The following EFCAB8 variants were observed in gnomAD, a reference collection of about 807,000 sequenced individuals.
EFCAB8 encodes the protein EF-hand calcium-binding domain-containing protein 8.
In EFCAB8, 100 loss-of-function variants were observed where a neutral mutation model predicts 116.3. The observed-to-expected ratio is 0.86, with a 90% CI of 0.73 to 1.02. EFCAB8 has a LOEUF of 1.02. EFCAB8 is among the 50% of genes least tolerant of loss of function. The pLI is 0.00. For synonymous variants in EFCAB8, 558 were observed against 567.9 expected (o/e 0.98, Z 0.25); for missense variants, 1,320 against 1,416.9 (o/e 0.93, Z 1.10).
chr20:32,911,741 G>A (rs1179539000), intron 16 of EFCAB8, 34 bp downstream of exon 16: 14 of 1,545,180 alleles, frequency 9.1e-6, no homozygotes, highest in Non-Finnish European at 1.2e-5. Flanking sequence ...GCCAGGGACG[G>A]CCTCTTGGGA....
chr20:32,936,018 AT>A, intron 22 of EFCAB8, among the ~76,000 whole-genome samples: 1 of 150,338 alleles, frequency 6.7e-6, no homozygotes, highest in Middle Eastern at 3.4e-3. Context: ...GCTTTTATTT[AT>A]TTTTATTTTT....
rs535415155 is a variant in EFCAB8 at position 32,888,686 on chromosome 20, T to C, written c.568-615T>C. On this transcript the variant is annotated intron_variant, in intron 6 of 26. Transcript: ENST00000400522. ...TAAATGCGATAATGGAAGCATATTA[T>C]AATGTTGCTTTTTACCTTGGTTTGT... Among the ~76,000 whole-genome samples the C allele has an allele frequency of 2.0e-5, 3 of 152,350 alleles. No individual in the cohort carries two copies. The East Asian group carries it at 5.8e-4, about 29-fold the overall frequency.
chr20:32,940,023 C>T lies in EFCAB8; in HGVS notation c.2791-3613C>T, dbSNP rs189676799. 7.5e-4 allele frequency among the ~76,000 whole-genome samples: 42 copies of T among 56,116 alleles called. 1 individual carries two copies. Among genetic ancestry groups the T allele is most frequent in the South Asian group, 3.1e-3 (4 of 1,298 alleles). The allele number at this position is 56,116 out of a possible 152,430, so 36.8% of individuals were successfully genotyped here. On this transcript the variant is annotated intron_variant, in intron 22 of 26. Coordinates refer to ENST00000400522, the MANE Select transcript of EFCAB8 (RefSeq NM_001143967.2). ...TGCCTGCCTCCCTCCCTCCCTCCCTCCCTTCCTTCCTTCCTTCCTTCCTTC... is the reference window on the plus strand; with the variant it reads ...TGCCTGCCTCCCTCCCTCCCTCCCTTCCTTCCTTCCTTCCTTCCTTCCTTC...
chr20:32,895,883 T>TA (rs890921857), intron 9 of EFCAB8, among the ~76,000 whole-genome samples: 6 of 152,302 alleles, frequency 3.9e-5, no homozygotes, highest in Admixed American at 2.6e-4. Context: ...GGCTGGTCTC[T>TA]TAACTCCTGG....
chr20:32,931,144 GGT>G (rs1285920373), intron 21 of EFCAB8, 32 bp from the exon 22 acceptor site: 1 of 1,495,786 alleles, frequency 6.7e-7, no homozygotes, highest in Admixed American at 2.2e-5. Context: ...TGGGTCAAGG[GGT>G]GTGAGGCCAC....
chr20:32,924,339 C>T (rs1987589208), intron 20 of EFCAB8, among the ~76,000 whole-genome samples: 2 of 152,222 alleles, frequency 1.3e-5, no homozygotes, highest in Non-Finnish European at 2.9e-5. Context: ...GCTGGGATTA[C>T]AGGCATAAGC....
intron 7 of EFCAB8, among the ~76,000 whole-genome samples, chr20:32,891,432 A>G (rs1176898673): frequency 1.3e-5 from 2 of 152,106 alleles, no homozygotes; most frequent in African/African-American, 2.4e-5. Flanking sequence ...TGGCCAGGCT[A>G]GTCTCCATCT....
intron 26 of EFCAB8, 48 bp from the exon 27 acceptor site, chr20:32,961,088 C>T (rs375965804): frequency 2.6e-5 from 39 of 1,495,320 alleles, no homozygotes; most frequent in Middle Eastern, 3.6e-4. Flanking sequence ...TGGGTGTCCC[C>T]GGCTCCAACT....
At chr20:32,939,368 C>T (rs1181817726) in intron 22 of EFCAB8, among the ~76,000 whole-genome samples, 2 of 145,320 alleles carry the variant, frequency 1.4e-5, no homozygotes, top group East Asian at 2.0e-4. Flanking sequence ...CTGCAACCTC[C>T]GCCTCCCAGG....
intron 11 of EFCAB8, among the ~76,000 whole-genome samples, chr20:32,906,274 C>G (rs959955897): frequency 6.6e-6 from 1 of 152,178 alleles, no homozygotes; most frequent in African/African-American, 2.4e-5. Flanking sequence ...GTCGCTCCTG[C>G]CTGGGAGCTG....
At chr20:32,908,233 C>G (rs866676117) in intron 13 of EFCAB8, 42 bp from the exon 14 acceptor site, 3 of 1,248,514 alleles carry the variant, frequency 2.4e-6, no homozygotes, top group Middle Eastern at 2.1e-4. Flanking sequence ...GCTACATCCC[C>G]GAGACCCATG....
At chr20:32,866,653 C>T (rs901746502) in intron 2 of EFCAB8, among the ~76,000 whole-genome samples, 8 of 151,900 alleles carry the variant, frequency 5.3e-5, no homozygotes, top group Non-Finnish European at 1.2e-4. Flanking sequence ...CTCATCTGAC[C>T]GAGATGGGAC....
At chr20:32,941,722 G>C (rs1936307) in intron 22 of EFCAB8, among the ~76,000 whole-genome samples, 1 of 151,972 alleles carries the variant, frequency 6.6e-6, no homozygotes, top group Non-Finnish European at 1.5e-5. Flanking sequence ...GGGAAATTGC[G>C]TAGTGACTAC....
At position 32,885,613 on chromosome 20, in the gene EFCAB8, G is replaced by A. The variant is rs56031406; in HGVS notation, c.540G>A (p.Glu180=). 1 of 1,551,852 alleles carries A rather than the reference G, an allele frequency of 6.4e-7. No homozygotes were observed. Among genetic ancestry groups the A allele is most frequent in the East Asian group, 2.4e-5 (1 of 40,916 alleles). The stretch of plus-strand genomic sequence containing the variant: ...ACGGGATCCTGCAGTTCTGGTCTGA[G>A]TCCTTCTCGCTGATGAGCTCCTTTA... ...TKDGILQFWS[E]SFSLMSSFRL... Residue 180 remains glutamate, a synonymous_variant, in exon 6 of 27, where the codon GAG becomes GAA. Coordinates refer to ENST00000400522, the MANE Select transcript of EFCAB8 (RefSeq NM_001143967.2).
At chr20:32,958,177 T>C (rs1023477448) in intron 23 of EFCAB8, among the ~76,000 whole-genome samples, 1 of 152,072 alleles carries the variant, frequency 6.6e-6, no homozygotes, top group Non-Finnish European at 1.5e-5. Context: ...TCAGTTCACA[T>C]GTGGGGCAGG....
At chr20:32,875,493 A>G (rs1160518044) in intron 3 of EFCAB8, among the ~76,000 whole-genome samples, 1 of 94,652 alleles carries the variant, frequency 1.1e-5, no homozygotes, top group Non-Finnish European at 2.8e-5. Flanking sequence ...ACACCTGGTA[A>G]ACATGGTGGT....
chr20:32,890,507 G>A (rs1178065862), intron 7 of EFCAB8, among the ~76,000 whole-genome samples: 1 of 136,532 alleles, frequency 7.3e-6, no homozygotes, highest in African/African-American at 2.7e-5. Context: ...GTCAGGGACT[G>A]CATCTGTTCT....
intron 3 of EFCAB8, among the ~76,000 whole-genome samples, chr20:32,872,481 A>C (rs1984730093): frequency 1.3e-5 from 2 of 152,116 alleles, no homozygotes; most frequent in African/African-American, 4.8e-5. Flanking sequence ...GGGAGATAGA[A>C]GACAGACAGA....
intron 10 of EFCAB8, 45 bp from the exon 11 acceptor site, chr20:32,898,448 G>A: frequency 1.4e-6 from 1 of 704,184 alleles, no homozygotes; most frequent in Non-Finnish European, 2.7e-6. Context: ...GGCCTAGAAA[G>A]TTGTCCTTGG....
Sources: allele counts gnomAD v4.1 joint callset (sites outside exome capture counted in the v4.1 genomes callset), GRCh38; gene constraint gnomAD v4.1.1; transcripts MANE v1.5; gene names NCBI Gene and HGNC (gene_info 2026-07-23, HGNC 2026-07-21).